The following PDE6A variants were observed in gnomAD, a reference collection of about 807,000 sequenced individuals.
The protein encoded by PDE6A is phosphodiesterase 6A, also known as rod cGMP-specific 3',5'-cyclic phosphodiesterase subunit alpha.
Under a neutral mutation model 106.3 loss-of-function variants are expected in PDE6A, and 84 were observed. The ratio of observed to expected loss-of-function variants is 0.79; its 90% confidence interval spans 0.66 to 0.95. PDE6A has a LOEUF of 0.95. PDE6A is among the 40% of genes least tolerant of loss of function. The pLI is 0.00. For synonymous variants in PDE6A, 394 were observed against 386.6 expected (o/e 1.02, Z -0.23); for missense variants, 1,052 against 1,084.9 (o/e 0.97, Z 0.43).
Position 149,944,685 on chromosome 5 carries a change from C to A in PDE6A, c.-12G>T, listed in dbSNP as rs368619584. The A allele has an allele frequency of 3.1e-6, 5 of 1,592,290 alleles. No individual in the cohort carries two copies. The African/African-American group carries it at 6.7e-5, about 21-fold the overall frequency. On this transcript the variant is annotated 5_prime_UTR_variant, in exon 1 of 22. Transcript: ENST00000255266. ...GTCACCTCGCCCATGGCTGGGAATCCCACTGGCTACTCTGTAGAAGGACTG... is the reference window on the plus strand; with the variant it reads ...GTCACCTCGCCCATGGCTGGGAATCACACTGGCTACTCTGTAGAAGGACTG...
At chr5:149,902,601 A>T (rs2113604397) in intron 8 of PDE6A, among the ~76,000 whole-genome samples, 1 of 152,186 alleles carries the variant, frequency 6.6e-6, no homozygotes, top group South Asian at 2.1e-4. Flanking sequence ...TGGGTGGATC[A>T]CCTGCGGTCA....
chr5:149,923,557 ACATAACATAACATAACATAACAAAC>A lies in PDE6A; in HGVS notation c.859-1873_859-1849del, dbSNP rs1561773030. Among the ~76,000 whole-genome samples, 17 of 103,682 alleles carry A rather than the reference ACATAACATAACATAACATAACAAAC, an allele frequency of 1.6e-4. No individual in the cohort carries two copies. The Admixed American group carries it at 1.7e-3, about 11-fold the overall frequency. 68.0% of individuals were successfully genotyped at this position (103,682 alleles called of 152,430 possible). A position where few individuals can be genotyped will look rare whatever the true frequency, so the allele number is the denominator to read the frequency against. ...ACATAACATAACATAACATAACATA[ACATAACATAACATAACATAACAAAC>A]AACAACACTAAATAAAAGTGGCCAA... On this transcript the variant is annotated intron_variant, in intron 4 of 21. Transcript: ENST00000255266.
At chr5:149,911,283 T>C (rs1753377884) in intron 6 of PDE6A, among the ~76,000 whole-genome samples, 1 of 152,214 alleles carries the variant, frequency 6.6e-6, no homozygotes, top group South Asian at 2.1e-4. Context: ...TTCTCAGTCA[T>C]TTTTCTATTG....
chr5:149,877,703 C>G (rs1760791385), intron 17 of PDE6A, among the ~76,000 whole-genome samples: 1 of 152,224 alleles, frequency 6.6e-6, no homozygotes, highest in Non-Finnish European at 1.5e-5. Context: ...GCCACCGGGC[C>G]CAGCCCCTTC....
At position 149,883,444 on chromosome 5, in the gene PDE6A, C is replaced by T. The variant is rs780341969; in HGVS notation, c.2120G>A (p.Arg707Gln). 1.5e-5 allele frequency: 24 copies of T among 1,611,450 alleles called. 1 individual carries two copies. In the Middle Eastern group the frequency reaches 4.9e-4, roughly 33 times the overall value. ...CCCAACTCACATAACGATTTCCTTC[C>T]GTGTCTGCTCCAGCATCATGTACTG... ...WTQYMMLEQT[R>Q]KEIVMAMMMT... The change falls in exon 17 of 22, where the codon CGG (arginine) becomes CAG (glutamine). Residue 707 changes from arginine (R) to glutamine (Q), a missense_variant. By Grantham distance (43) the Arg-to-Gln change is conservative (BLOSUM62 1). This residue lies in a region of PDE6A where 913 missense variants were observed against 915.2 expected (regional missense o/e 1.00). Transcript: ENST00000255266.
At chr5:149,931,911 A>T in intron 3 of PDE6A, 1 of 782,522 alleles carries the variant, frequency 1.3e-6, no homozygotes, top group South Asian at 1.7e-5. Context: ...GTTGTGGACT[A>T]TAAAATGGCG....
intron 13 of PDE6A, among the ~76,000 whole-genome samples, chr5:149,892,669 T>C (rs1752587791): frequency 6.6e-6 from 1 of 152,082 alleles, no homozygotes; most frequent in South Asian, 2.1e-4. Context: ...TTTTGTACTT[T>C]TTGTAGTGAT....
At chr5:149,928,001 A>G (rs1171173096) in intron 4 of PDE6A, among the ~76,000 whole-genome samples, 3 of 151,624 alleles carry the variant, frequency 2.0e-5, no homozygotes, top group East Asian at 1.9e-4. Flanking sequence ...CCCATCTCCT[A>G]TGATAACAAT....
intron 17 of PDE6A, among the ~76,000 whole-genome samples, chr5:149,870,695 G>A (rs1760500975): frequency 6.7e-6 from 1 of 150,300 alleles, no homozygotes; most frequent in African/African-American, 2.5e-5. Flanking sequence ...ATGCACTGGG[G>A]TCCCAAGTGC....
At chr5:149,875,574 C>T (rs1174285474) in intron 17 of PDE6A, among the ~76,000 whole-genome samples, 3 of 151,442 alleles carry the variant, frequency 2.0e-5, no homozygotes, top group African/African-American at 7.3e-5. Flanking sequence ...GCTGCAGCCT[C>T]AACCTCTCGG....
intron 4 of PDE6A, among the ~76,000 whole-genome samples, chr5:149,928,209 C>CTATACATATATATATA (rs1290202591): frequency 2.2e-5 from 1 of 44,558 alleles, no homozygotes; most frequent in Admixed American, 3.0e-4. Flanking sequence ...ATTGTATGTG[C>CTATACATATATATATA]TATATATATA....
At chr5:149,910,279 G>A (rs1195890629) in intron 6 of PDE6A, among the ~76,000 whole-genome samples, 1 of 151,960 alleles carries the variant, frequency 6.6e-6, no homozygotes, top group Middle Eastern at 3.2e-3. Flanking sequence ...AGTCTTTTAT[G>A]TTCAACCTCT....
rs752524309 is a variant in PDE6A, at chr5:149,944,323, C to T, written c.351G>A (p.Lys117=). ...CCAGGCAGTCCTCGAGGACAGCATCCTTGTGGACATTGAAAAGCCTGGTGG... is the reference window on the plus strand; with the variant it reads ...CCAGGCAGTCCTCGAGGACAGCATCTTTGTGGACATTGAAAAGCCTGGTGG... ...ELATRLFNVH[K]DAVLEDCLVM... Residue 117 remains lysine, a synonymous_variant, in exon 1 of 22, where the codon AAG becomes AAA. Transcript: ENST00000255266. 6.2e-7 allele frequency: 1 copy of T among 1,614,128 alleles called. No homozygotes were observed. Among genetic ancestry groups the T allele is most frequent in the South Asian group, 1.1e-5 (1 of 91,076 alleles).
chr5:149,934,071 T>A, intron 2 of PDE6A, 52 bp from the exon 3 acceptor site: 1 of 999,746 alleles, frequency 1.0e-6, no homozygotes, highest in Non-Finnish European at 1.6e-6. Flanking sequence ...AAATCCATCC[T>A]CTGGCTACTT....
intron 17 of PDE6A, among the ~76,000 whole-genome samples, chr5:149,881,846 G>T (rs940800512): frequency 2.4e-3 from 365 of 152,208 alleles, no homozygotes; most frequent in African/African-American, 8.2e-3. Context: ...TTAAGCTCAG[G>T]AGTTCAAAAC....
intron 1 of PDE6A, among the ~76,000 whole-genome samples, chr5:149,939,836 G>A (rs140713832): frequency 1.7e-3 from 253 of 151,996 alleles, no homozygotes; most frequent in African/African-American, 5.9e-3. Flanking sequence ...TACCCAGTGC[G>A]ATGCCCTCAT....
Position 149,921,799 on chromosome 5 carries a change from C to T in PDE6A, c.859-90G>A, listed in dbSNP as rs1325242679. 4.0e-6 allele frequency: 4 copies of T among 1,007,710 alleles called. No homozygotes were observed. The East Asian group carries it at 9.8e-5, about 25-fold the overall frequency. 62.4% of individuals were successfully genotyped at this position (1,007,710 alleles called of 1,614,324 possible). A position where few individuals can be genotyped will look rare whatever the true frequency, so the allele number is the denominator to read the frequency against. On this transcript the variant is annotated intron_variant, in intron 4 of 21. Transcript: ENST00000255266. ...TCCCACCTCCATGAGTCAGCTAACA[C>T]TGAAATTTAGAAAGTGAGAAGAACT...
intron 6 of PDE6A, among the ~76,000 whole-genome samples, chr5:149,913,351 C>T (rs1753444212): frequency 6.7e-6 from 1 of 150,184 alleles, no homozygotes; most frequent in Non-Finnish European, 1.5e-5. Context: ...CACTGCACTC[C>T]AGCCTGGGAG....
chr5:149,926,974 G>A (rs1255887515), intron 4 of PDE6A, among the ~76,000 whole-genome samples: 6 of 119,352 alleles, frequency 5.0e-5, no homozygotes, highest in African/African-American at 1.4e-4. Context: ...GCGAAACTCC[G>A]TCTCCAAAAA....
Sources: allele counts gnomAD v4.1 joint callset (sites outside exome capture counted in the v4.1 genomes callset), GRCh38; gene constraint gnomAD v4.1.1; regional missense constraint gnomAD v4.1.1; transcripts MANE v1.5; gene names NCBI Gene and HGNC (gene_info 2026-07-23, HGNC 2026-07-21).